Variants in ITGA6 observed in about 807,000 individuals in gnomAD.
ITGA6 encodes integrin alpha-6.
A neutral mutation model predicts 133.6 loss-of-function variants in ITGA6; 63 were observed. The observed-to-expected ratio is 0.47, with a 90% CI of 0.38 to 0.58. The LOEUF (loss-of-function observed/expected upper bound fraction) is 0.58, where lower values mean the gene tolerates loss of function less well. Ranked by LOEUF, ITGA6 falls within the 20% of genes least tolerant of loss-of-function variation. ITGA6 has a pLI of 0.00. For synonymous variants in ITGA6, 434 were observed against 482.0 expected (o/e 0.90, Z 1.30); for missense variants, 1,068 against 1,309.4 (o/e 0.82, Z 2.85).
intron 5 of ITGA6, among the ~76,000 whole-genome samples, chr2:172,473,585 A>C (rs954569010): frequency 1.6e-4 from 24 of 152,278 alleles, no homozygotes; most frequent in Admixed American, 1.4e-3. Context: ...ATTTTATTTT[A>C]TTCCTGTAAA....
chr2:172,467,639 A>G, intron 3 of ITGA6, 79 bp downstream of exon 3: 1 of 1,092,776 alleles, frequency 9.2e-7, no homozygotes, highest in Non-Finnish European at 1.4e-6. Flanking sequence ...AGCAGGGGAC[A>G]GCAGGGAGCA....
intron 23 of ITGA6, among the ~76,000 whole-genome samples, chr2:172,495,716 G>C (rs1262603420): frequency 6.6e-6 from 1 of 152,190 alleles, no homozygotes; most frequent in African/African-American, 2.4e-5. Flanking sequence ...ATATGTGGAA[G>C]TTCTGGTTTG....
intron 25 of ITGA6, among the ~76,000 whole-genome samples, chr2:172,503,211 C>CT (rs902830455): frequency 1.3e-5 from 2 of 151,732 alleles, no homozygotes; most frequent in African/African-American, 4.8e-5. Flanking sequence ...TTGAAAACAC[C>CT]TTTTTTTAAA....
In ITGA6 at chr2:172,469,171, A is replaced by G. The variant is rs1320558722; in HGVS notation, c.434A>G (p.Gln145Arg). The G allele has an allele frequency of 1.2e-6, 2 of 1,614,076 alleles. No individual in the cohort carries two copies. Among genetic ancestry groups the G allele is most frequent in the African/African-American group, 2.7e-5 (2 of 74,928 alleles). Reference protein sequence around the residue: ...YEKRQHVNTKQESRDIFGRCY... With the variant: ...YEKRQHVNTKRESRDIFGRCY... The stretch of plus-strand genomic sequence containing the variant: ...AAAAGGCAGCATGTTAATACGAAGC[A>G]GGAATCCCGAGACATCTTTGGGCGG... The change falls in exon 4 of 26, where the codon CAG becomes CGG. Residue 145 changes from glutamine to arginine, a missense_variant. By Grantham distance (43) the Gln-to-Arg change is conservative. This residue lies in a region of ITGA6 where 317 missense variants were observed against 456.9 expected (regional missense o/e 0.69). Transcript: ENST00000684293.
At chr2:172,428,691 G>T (rs12475433) in intron 1 of ITGA6, 23,858 of 152,126 alleles carry the variant, frequency 0.16, 2,282 homozygotes, top group Admixed American at 0.22. Context: ...CGGCTCCTGC[G>T]TTGGGCGGGC....
At chr2:172,431,335 G>T (rs1684096713) in intron 1 of ITGA6, among the ~76,000 whole-genome samples, 3 of 152,182 alleles carry the variant, frequency 2.0e-5, no homozygotes, top group Non-Finnish European at 4.4e-5. Context: ...TTTTTAAATG[G>T]AAAAGCCAGA....
intron 1 of ITGA6, among the ~76,000 whole-genome samples, chr2:172,445,412 G>A (rs1684722153): frequency 6.8e-6 from 1 of 147,716 alleles, no homozygotes; most frequent in South Asian, 2.1e-4. Flanking sequence ...CACTTTGGGA[G>A]ACCGAGGCGG....
At chr2:172,496,647 G>A (rs1217017415) in intron 23 of ITGA6, among the ~76,000 whole-genome samples, 2 of 143,552 alleles carry the variant, frequency 1.4e-5, no homozygotes, top group African/African-American at 2.9e-5. Flanking sequence ...CCTGAGTTTT[G>A]TTTCCCTTTA....
chr2:172,475,161 T>A (rs1202829744), intron 7 of ITGA6, 39 bp downstream of exon 7: 1 of 1,283,196 alleles, frequency 7.8e-7, no homozygotes, highest in Admixed American at 1.7e-5. Flanking sequence ...ATTTATAGAT[T>A]ATTTGATTGT....
chr2:172,473,163 A>G (rs956084580), intron 5 of ITGA6, among the ~76,000 whole-genome samples: 14 of 152,194 alleles, frequency 9.2e-5, no homozygotes, highest in African/African-American at 3.1e-4. Flanking sequence ...GTAAAACCCA[A>G]TAAAGGGGGT....
At chr2:172,454,076 T>G (rs570472201) in intron 1 of ITGA6, among the ~76,000 whole-genome samples, 352 of 138,706 alleles carry the variant, frequency 2.5e-3, no homozygotes, top group Non-Finnish European at 4.1e-3. Context: ...GGAAGTTTTT[T>G]TTTTGTTTTG....
chr2:172,486,969 G>A (rs913076087), intron 13 of ITGA6, 54 bp from the exon 14 acceptor site: 9 of 936,136 alleles, frequency 9.6e-6, no homozygotes, highest in Middle Eastern at 4.4e-4. Context: ...CTACATCGAT[G>A]CCTTCCTGAG....
chr2:172,470,950 GT>G (rs1179088304), intron 4 of ITGA6, 23 bp from the exon 5 acceptor site: 1 of 1,611,124 alleles, frequency 6.2e-7, no homozygotes, highest in African/African-American at 1.3e-5. Flanking sequence ...TTTTTTTGTT[GT>G]TTTTACCATT....
At chr2:172,474,890 C>T in intron 6 of ITGA6, 39 bp from the exon 7 acceptor site, 1 of 971,688 alleles carries the variant, frequency 1.0e-6, no homozygotes, top group Non-Finnish European at 1.7e-6. Context: ...GGTATGTTAG[C>T]TGTTGGTTCA....
In ITGA6 at chr2:172,501,911, C is replaced by A. The variant is rs532435481; in HGVS notation, c.*22+10C>A. 6.8e-6 allele frequency: 11 copies of A among 1,608,398 alleles called. No individual in the cohort carries two copies. Among genetic ancestry groups the A allele is most frequent in the Admixed American group, 6.7e-5 (4 of 59,892 alleles). On this transcript the variant is annotated intron_variant, in intron 25 of 25. Transcript: ENST00000684293. ...TCTACTTCTGTAATTGGTAATTGAT[C>A]AATGTTTTTTAATTGCTAGCTGTGG...
chr2:172,464,879 T>C (rs1227952041), intron 1 of ITGA6, among the ~76,000 whole-genome samples: 2 of 151,556 alleles, frequency 1.3e-5, no homozygotes, highest in African/African-American at 4.9e-5. Flanking sequence ...AGAACAAACA[T>C]CAACTTGTAC....
chr2:172,439,765 A>G (rs1283067452), intron 1 of ITGA6, among the ~76,000 whole-genome samples: 2 of 152,178 alleles, frequency 1.3e-5, no homozygotes, highest in Non-Finnish European at 2.9e-5. Flanking sequence ...AGAAAAGTCA[A>G]GTGACAGCTA....
At chr2:172,493,353 C>CT (rs1308793221) in intron 23 of ITGA6, among the ~76,000 whole-genome samples, 1 of 152,154 alleles carries the variant, frequency 6.6e-6, no homozygotes, top group East Asian at 1.9e-4. Flanking sequence ...CCTAAGGATC[C>CT]TTTCTCTGCA....
rs377248189 is a variant in ITGA6, at chr2:172,489,671, A to G, written c.2679+13A>G. ...CCTGAACCTAACGGTATGTCGGTAG[A>G]TTTATCTAATGTCTCCATAAATGCA... On this transcript the variant is annotated intron_variant, in intron 20 of 25. Transcript: ENST00000684293. The G allele has an allele frequency of 8.7e-6, 14 of 1,606,876 alleles. No individual in the cohort carries two copies. The highest frequency in any genetic ancestry group is 7.7e-6 in the Non-Finnish European group (9 of 1,173,750).
Sources: gnomAD v4.1 joint callset for allele counts (sites outside exome capture counted in the v4.1 genomes callset) on GRCh38, gnomAD v4.1.1 for gene constraint, gnomAD v4.1.1 regional missense constraint, MANE v1.5 for transcripts, NCBI Gene and HGNC (gene_info 2026-07-23, HGNC 2026-07-21) for gene names.